IFT80: variants seen among roughly 807,000 people sequenced by gnomAD.
IFT80 encodes intraflagellar transport protein 80 homolog.
A neutral mutation model predicts 107.9 loss-of-function variants in IFT80; 79 were observed. The observed-to-expected ratio is 0.73, with a 90% CI of 0.61 to 0.88. The LOEUF (loss-of-function observed/expected upper bound fraction) is 0.88, where lower values mean the gene tolerates loss of function less well. Ranked by LOEUF, IFT80 falls within the 40% of genes least tolerant of loss-of-function variation. The pLI is 0.00. For missense variants in IFT80, 797 were observed against 914.2 expected (o/e 0.87, Z 1.65); for synonymous variants, 299 against 300.9 (o/e 0.99, Z 0.07).
chr3:160,263,172 G>GGGC (rs771824265), intron 19 of IFT80, among the ~76,000 whole-genome samples: 4,034 of 152,084 alleles, frequency 0.027, 89 homozygotes, highest in Non-Finnish European at 0.044. Context: ...TAGAAATGTT[G>GGGC]AAGTCATTCT....
chr3:160,292,546 C>T (rs1365393760), intron 12 of IFT80, among the ~76,000 whole-genome samples: 1 of 142,220 alleles, frequency 7.0e-6, no homozygotes, highest in African/African-American at 2.6e-5. Context: ...GTGGCGCGAT[C>T]TCAGCTCACT....
intron 5 of IFT80, among the ~76,000 whole-genome samples, chr3:160,370,741 A>T (rs1311964808): frequency 6.6e-6 from 1 of 152,154 alleles, no homozygotes; most frequent in Non-Finnish European, 1.5e-5. Context: ...CAAGTTCTAC[A>T]TATCCAAAAC....
intron 8 of IFT80, among the ~76,000 whole-genome samples, chr3:160,349,797 A>C (rs1720546607): frequency 6.6e-6 from 1 of 152,186 alleles, no homozygotes. Context: ...AGCTGACTTA[A>C]ATTTTCAGGT....
At chr3:160,323,003 G>C (rs1484141904) in intron 8 of IFT80, among the ~76,000 whole-genome samples, 6 of 152,086 alleles carry the variant, frequency 3.9e-5, no homozygotes, top group Non-Finnish European at 8.8e-5. Flanking sequence ...TCACTCTAAT[G>C]GTAGTTTCTT....
At chr3:160,390,414 T>C (rs1713287495) in intron 1 of IFT80, among the ~76,000 whole-genome samples, 1 of 136,334 alleles carries the variant, frequency 7.3e-6, no homozygotes, top group African/African-American at 3.2e-5. Context: ...TGAAATTCCG[T>C]CTCAAAAAAA....
chr3:160,354,994 A>G (rs558294913), intron 8 of IFT80, among the ~76,000 whole-genome samples: 1 of 152,346 alleles, frequency 6.6e-6, no homozygotes, highest in South Asian at 2.1e-4. Flanking sequence ...TAAGCCACAG[A>G]ACAATTTTAT....
At chr3:160,396,462 A>C (rs1713783987) in intron 1 of IFT80, among the ~76,000 whole-genome samples, 1 of 152,216 alleles carries the variant, frequency 6.6e-6, no homozygotes, top group African/African-American at 2.4e-5. Flanking sequence ...TTAGAAGGCA[A>C]ACAAAACACA....
At chr3:160,341,963 T>C (rs1242948105) in intron 8 of IFT80, among the ~76,000 whole-genome samples, 3 of 152,206 alleles carry the variant, frequency 2.0e-5, no homozygotes, top group Non-Finnish European at 4.4e-5. Flanking sequence ...TAGAGTAAGT[T>C]TGAAGTCATA....
chr3:160,348,179 G>A (rs1364362889), intron 8 of IFT80, among the ~76,000 whole-genome samples: 2 of 149,714 alleles, frequency 1.3e-5, no homozygotes, highest in African/African-American at 4.9e-5. Context: ...TGTTTTTATT[G>A]GCCATTTACA....
chr3:160,312,967 TA>T (rs1324265622), intron 9 of IFT80, among the ~76,000 whole-genome samples: 1 of 64,794 alleles, frequency 1.5e-5, no homozygotes, highest in African/African-American at 7.2e-5. Flanking sequence ...TATAAATATA[TA>T]ATATATAATA....
chr3:160,361,641 G>A (rs988420317), intron 6 of IFT80, among the ~76,000 whole-genome samples: 22 of 152,272 alleles, frequency 1.4e-4, no homozygotes, highest in African/African-American at 5.3e-4. Flanking sequence ...GCACTCCTCA[G>A]CAAATGTAAA....
At chr3:160,329,372 G>A (rs188513630) in intron 8 of IFT80, among the ~76,000 whole-genome samples, 2 of 152,248 alleles carry the variant, frequency 1.3e-5, no homozygotes, top group East Asian at 3.9e-4. Flanking sequence ...GTGTAATTTA[G>A]TGGTACTGGC....
chr3:160,378,240 T>TAA (rs796824605), intron 3 of IFT80, among the ~76,000 whole-genome samples: 7 of 133,750 alleles, frequency 5.2e-5, no homozygotes, highest in African/African-American at 8.1e-5. Flanking sequence ...TTATAGCCTA[T>TAA]AAAAAAAAAA....
intron 19 of IFT80, among the ~76,000 whole-genome samples, chr3:160,267,599 G>A (rs1276133615): frequency 6.6e-6 from 1 of 152,222 alleles, no homozygotes; most frequent in East Asian, 1.9e-4. Context: ...AGTGACATGA[G>A]CTCTGTTTCT....
intron 8 of IFT80, among the ~76,000 whole-genome samples, chr3:160,350,091 A>G (rs1720567146): frequency 6.6e-6 from 1 of 152,134 alleles, no homozygotes; most frequent in South Asian, 2.1e-4. Flanking sequence ...TAAACTCTAT[A>G]AAGGCAATTT....
chr3:160,265,006 G>A (rs965712050), intron 19 of IFT80, among the ~76,000 whole-genome samples: 3 of 152,006 alleles, frequency 2.0e-5, no homozygotes, highest in Non-Finnish European at 2.9e-5. Flanking sequence ...CTCACCATAG[G>A]TCAGGACCCC....
chr3:160,366,932 C>T (rs1220797120), intron 5 of IFT80, among the ~76,000 whole-genome samples: 2 of 152,004 alleles, frequency 1.3e-5, no homozygotes, highest in Non-Finnish European at 1.5e-5. Context: ...CCCCTCACTA[C>T]CTTTCCCAGC....
At chr3:160,352,413 T>C (rs1378617401) in intron 8 of IFT80, among the ~76,000 whole-genome samples, 3 of 152,210 alleles carry the variant, frequency 2.0e-5, no homozygotes, top group Non-Finnish European at 4.4e-5. Flanking sequence ...TCACCTGCGT[T>C]ATAGTTTGCT....
intron 8 of IFT80, among the ~76,000 whole-genome samples, chr3:160,325,647 G>C (rs537659063): frequency 6.6e-6 from 1 of 152,050 alleles, no homozygotes; most frequent in Non-Finnish European, 1.5e-5. Context: ...TTCAGATTTT[G>C]AAATATTTGC....
Sources: allele counts gnomAD v4.1 joint callset (sites outside exome capture counted in the v4.1 genomes callset), GRCh38; gene constraint gnomAD v4.1.1; transcripts MANE v1.5; gene names NCBI Gene and HGNC (gene_info 2026-07-23, HGNC 2026-07-21).